ZFP69: variants seen among roughly 807,000 people sequenced by gnomAD.
The protein encoded by ZFP69 is ZFP69 zinc finger protein, also known as zinc finger protein 69 homolog.
In ZFP69, 35 loss-of-function variants were observed where a neutral mutation model predicts 48.9. The observed-to-expected ratio is 0.72, with a 90% CI of 0.55 to 0.95. The LOEUF (loss-of-function observed/expected upper bound fraction) is 0.95. Among genes scored for constraint, ZFP69 ranks in the 40% least tolerant of loss-of-function variants. The pLI, the probability that ZFP69 is intolerant of heterozygous loss-of-function variation, is 0.00. For synonymous variants in ZFP69, 193 were observed against 216.8 expected, an observed-to-expected ratio of 0.89 and a Z score of 0.96; for missense variants, 557 against 638.4, an observed-to-expected ratio of 0.87 and a Z score of 1.37.
chr1:40,485,182 T>C (rs1433557357), intron 3 of ZFP69, among the ~76,000 whole-genome samples: 1 of 152,058 alleles, frequency 6.6e-6, no homozygotes, highest in Middle Eastern at 3.4e-3. Context: ...CGTGAACCAC[T>C]GAGTCTGGCC....
chr1:40,485,191 C>G (rs1185474979), intron 3 of ZFP69, among the ~76,000 whole-genome samples: 3 of 151,930 alleles, frequency 2.0e-5, no homozygotes. Flanking sequence ...CTGAGTCTGG[C>G]CAGTTCTTTA....
At chr1:40,494,643 A>C (rs7521570) in intron 5 of ZFP69, among the ~76,000 whole-genome samples, 1 of 146,888 alleles carries the variant, frequency 6.8e-6, no homozygotes, top group Admixed American at 6.8e-5. Context: ...ATTATATATA[A>C]AATATATATT....
At position 40,496,256 on chromosome 1, in the gene ZFP69, T is replaced by C; in HGVS notation, c.*197T>C. 1 of 452,566 alleles carries C rather than the reference T, an allele frequency of 2.2e-6. No homozygotes were observed. 28.0% of individuals were successfully genotyped at this position (452,566 alleles called of 1,614,324 possible). Reference sequence around the variant, plus strand: ...GTACTTAAGATTAAAATCTGGTCCTTAAAATTAAATGAATTCAGCATTATG... The same window carrying C: ...GTACTTAAGATTAAAATCTGGTCCTCAAAATTAAATGAATTCAGCATTATG... On this transcript the variant is annotated 3_prime_UTR_variant, in exon 6 of 6. Coordinates refer to ENST00000372706, the MANE Select transcript of ZFP69 (RefSeq NM_001320179.2).
chr1:40,482,114 TAAAG>T (rs959247904), intron 3 of ZFP69, among the ~76,000 whole-genome samples: 9 of 151,022 alleles, frequency 6.0e-5, no homozygotes, highest in African/African-American at 2.2e-4. Context: ...CTACTTTCTA[TAAAG>T]AAAGTGAAAT....
Position 40,495,475 on chromosome 1 carries a change from G to A in ZFP69, c.997G>A (p.Gly333Arg). The A allele has an allele frequency of 6.2e-7, 1 of 1,614,088 alleles. No individual in the cohort carries two copies. The highest frequency in any genetic ancestry group is 8.5e-7 in the Non-Finnish European group (1 of 1,179,996). The change falls in exon 6 of 6, where the codon GGG (glycine) becomes AGG (arginine). Residue 333 changes from glycine (G) to arginine (R), a missense_variant. Gly to Arg is a moderately radical substitution (Grantham distance 125, BLOSUM62 -2). Transcript: ENST00000372706. ...GAAACCCTTTGAATGTGAGGAATGTGGGAAAGCCTTCAGACATCGCTCATC... is the reference window on the plus strand; with the variant it reads ...GAAACCCTTTGAATGTGAGGAATGTAGGAAAGCCTTCAGACATCGCTCATC... Reference protein sequence around the residue: ...GEKPFECEECGKAFRHRSSLN... With the variant: ...GEKPFECEECRKAFRHRSSLN...
intron 4 of ZFP69, 112 bp downstream of exon 4, chr1:40,489,326 A>T (rs1269295563): frequency 2.1e-6 from 3 of 1,420,500 alleles, no homozygotes; most frequent in Non-Finnish European, 2.9e-6. Context: ...TGTATTAAAG[A>T]TGTCTTATTC....
chr1:40,496,221 C>G lies in ZFP69; in HGVS notation c.*162C>G. The G allele has an allele frequency of 3.4e-6, 2 of 595,448 alleles. No individual in the cohort carries two copies. Among genetic ancestry groups the G allele is most frequent in the Non-Finnish European group, 5.4e-6 (2 of 373,084 alleles). 36.9% of individuals were successfully genotyped at this position (595,448 alleles called of 1,614,324 possible). The stretch of plus-strand genomic sequence containing the variant: ...CATTGACAGGTATTGACTACTAACA[C>G]CTCTAAAAAGTACTTAAGATTAAAA... On this transcript the variant is annotated 3_prime_UTR_variant, in exon 6 of 6. Coordinates refer to ENST00000372706, the MANE Select transcript of ZFP69 (RefSeq NM_001320179.2).
chr1:40,494,255 AATTTTTTTTTTTTTTT>A (rs1431942231), intron 5 of ZFP69, among the ~76,000 whole-genome samples: 2 of 123,856 alleles, frequency 1.6e-5, no homozygotes, highest in Admixed American at 9.4e-5. Context: ...AAAGATTCAA[AATTTTTTTTTTTTTTT>A]TTTTTTTTTT....
intron 2 of ZFP69, among the ~76,000 whole-genome samples, chr1:40,480,538 AG>A (rs1177463358): frequency 1.3e-5 from 2 of 151,976 alleles, no homozygotes; most frequent in African/African-American, 4.8e-5. Flanking sequence ...CTCTTTTGAA[AG>A]AACATTTTAG....
chr1:40,496,250 G>T lies in ZFP69; in HGVS notation c.*191G>T. The T allele has an allele frequency of 2.2e-6, 1 of 464,890 alleles. No homozygotes were observed. Among genetic ancestry groups the T allele is most frequent in the Non-Finnish European group, 3.6e-6 (1 of 274,248 alleles). The allele number at this position is 464,890 out of a possible 1,614,324, so 28.8% of individuals were successfully genotyped here. ...TAAAAAGTACTTAAGATTAAAATCTGGTCCTTAAAATTAAATGAATTCAGC... is the reference window on the plus strand; with the variant it reads ...TAAAAAGTACTTAAGATTAAAATCTTGTCCTTAAAATTAAATGAATTCAGC... On this transcript the variant is annotated 3_prime_UTR_variant, in exon 6 of 6. Coordinates refer to ENST00000372706, the MANE Select transcript of ZFP69 (RefSeq NM_001320179.2).
rs1468989681 is a variant in ZFP69, at chr1:40,496,088, C to A, written c.*29C>A. 6.5e-7 allele frequency: 1 copy of A among 1,529,698 alleles called. No homozygotes were observed. The highest frequency in any genetic ancestry group is 2.3e-5 in the East Asian group (1 of 44,214). The allele number at this position is 1,529,698 out of a possible 1,614,324, so 94.8% of individuals were successfully genotyped here. Reference sequence around the variant, plus strand: ...CAGATATTTGACTTGAGAACAAAAGCCAAGTGTAAATTGGTGATTTAGAGT... The same window carrying A: ...CAGATATTTGACTTGAGAACAAAAGACAAGTGTAAATTGGTGATTTAGAGT... On this transcript the variant is annotated 3_prime_UTR_variant, in exon 6 of 6. Coordinates refer to ENST00000372706, the MANE Select transcript of ZFP69 (RefSeq NM_001320179.2).
rs761966142 is a variant in ZFP69, at chr1:40,489,228, A to G, written c.346+14A>G. On this transcript the variant is annotated intron_variant, in intron 4 of 5. Transcript: ENST00000372706. Reference sequence around the variant, plus strand: ...TGGTGTCAGTGGGTAAGACTTGGCTATCCATGCATCCAGAAACCCACCCAT... The same window carrying G: ...TGGTGTCAGTGGGTAAGACTTGGCTGTCCATGCATCCAGAAACCCACCCAT... The G allele has an allele frequency of 6.2e-7, 1 of 1,612,882 alleles. No homozygotes were observed. The highest frequency in any genetic ancestry group is 8.5e-7 in the Non-Finnish European group (1 of 1,179,262).
At chr1:40,493,340 A>G (rs1290346110) in intron 5 of ZFP69, 1 of 152,108 alleles carries the variant, frequency 6.6e-6, no homozygotes, top group Non-Finnish European at 1.5e-5. Context: ...CACTCTTTGT[A>G]TATTTTCCTG....
intron 2 of ZFP69, 73 bp downstream of exon 2, chr1:40,479,561 G>C: frequency 6.8e-7 from 1 of 1,470,298 alleles, no homozygotes; most frequent in Non-Finnish European, 9.1e-7. Flanking sequence ...ACACTTCATT[G>C]AAGTGGAGAG....
rs71060386 is a variant in ZFP69 at position 40,484,883 on chromosome 1, CTTTTTTT to C, written c.219+3049_219+3055del. Among the ~76,000 whole-genome samples, 17 of 44,382 alleles carry C rather than the reference CTTTTTTT, an allele frequency of 3.8e-4. 1 individual carries two copies. The highest frequency in any genetic ancestry group is 1.8e-3 in the African/African-American group (16 of 9,044). 29.1% of individuals were successfully genotyped at this position (44,382 alleles called of 152,430 possible). On this transcript the variant is annotated intron_variant, in intron 3 of 5. Coordinates refer to ENST00000372706, the MANE Select transcript of ZFP69 (RefSeq NM_001320179.2). ...GGCATGAGCCACTGCGCCTGGCCTG[CTTTTTTT>C]TTTTTTTTTTTTTTTTTTTGATATG...
chr1:40,495,589 G>A lies in ZFP69; in HGVS notation c.1111G>A (p.Val371Ile). The A allele has an allele frequency of 2.5e-6, 4 of 1,614,190 alleles. No individual in the cohort carries two copies. Among genetic ancestry groups the A allele is most frequent in the Non-Finnish European group, 3.4e-6 (4 of 1,180,040 alleles). ...QKAFSQNISL[V>I]QHLRTHSGEK... Reference sequence around the variant, plus strand: ...AGCTTTCAGCCAGAACATTAGCTTGGTTCAACATTTGAGGACTCATTCTGG... The same window carrying A: ...AGCTTTCAGCCAGAACATTAGCTTGATTCAACATTTGAGGACTCATTCTGG... Residue 371 changes from valine to isoleucine, a missense_variant, in exon 6 of 6, where the codon GTT becomes ATT. Val to Ile is a conservative substitution (Grantham distance 29). Coordinates refer to ENST00000372706, the MANE Select transcript of ZFP69 (RefSeq NM_001320179.2).
intron 3 of ZFP69, among the ~76,000 whole-genome samples, chr1:40,482,416 A>C (rs114021019): frequency 3.5e-4 from 53 of 152,310 alleles, no homozygotes; most frequent in African/African-American, 1.2e-3. Flanking sequence ...ACAGCATGTC[A>C]CAAATGGGAT....
chr1:40,493,641 C>G (rs972044896), intron 5 of ZFP69: 2 of 152,126 alleles, frequency 1.3e-5, no homozygotes, highest in Admixed American at 6.5e-5. Flanking sequence ...TTCTTTTCCC[C>G]CATCATCTTC....
At position 40,477,918 on chromosome 1, in the gene ZFP69, C is replaced by CT. The variant is rs1645405632; in HGVS notation, c.-327+27dup. ...TGGTGAGTAGGAGTCTGTGTGCAGTCTTTGAGTCCGAGGGTGGCATGTCTG... is the reference window on the plus strand; with the variant it reads ...TGGTGAGTAGGAGTCTGTGTGCAGTCTTTTGAGTCCGAGGGTGGCATGTCTG... On this transcript the variant is annotated intron_variant, in intron 1 of 5. Transcript: ENST00000372706. This position sits in a 1 kb window ranked among gnomAD's most constrained non-coding sequence, Gnocchi z 4.0. 6.6e-6 allele frequency: 1 copy of CT among 152,510 alleles called. No homozygotes were observed. The highest frequency in any genetic ancestry group is 1.5e-5 in the Non-Finnish European group (1 of 68,158). The allele number at this position is 152,510 out of a possible 1,614,324, so 9.4% of individuals were successfully genotyped here.
Sources: gnomAD v4.1 joint callset for allele counts (sites outside exome capture counted in the v4.1 genomes callset) on GRCh38, gnomAD v4.1.1 for gene constraint, Gnocchi (gnomAD v3.1) non-coding constraint, MANE v1.5 for transcripts, NCBI Gene and HGNC (gene_info 2026-07-23, HGNC 2026-07-21) for gene names.